Variants in CACNA2D1 observed in about 807,000 individuals in gnomAD.
The protein encoded by CACNA2D1 is voltage-dependent calcium channel subunit alpha-2/delta-1.
In CACNA2D1, 53 loss-of-function variants were observed where a neutral mutation model predicts 171.5. The ratio of observed to expected loss-of-function variants is 0.31; its 90% CI spans 0.25 to 0.39. The LOEUF is 0.39. CACNA2D1 is among the 10% of genes least tolerant of loss of function. CACNA2D1 has a pLI of 1.00. For synonymous variants in CACNA2D1, 442 were observed against 443.1 expected (o/e 1.00, Z 0.03); for missense variants, 903 against 1,299.8 (o/e 0.69, Z 4.69).
chr7:82,149,466 C>G (rs996884880), intron 4 of CACNA2D1, among the ~76,000 whole-genome samples: 9 of 151,864 alleles, frequency 5.9e-5, no homozygotes, highest in African/African-American at 2.2e-4. Context: ...CCCTAGGAAC[C>G]CTGGGGAGGC....
intron 3 of CACNA2D1, among the ~76,000 whole-genome samples, chr7:82,245,376 A>C (rs1804782626): frequency 6.6e-6 from 1 of 152,134 alleles, no homozygotes; most frequent in Non-Finnish European, 1.5e-5. Context: ...ATCCCTGGAT[A>C]ATTCTTTATT....
At chr7:82,415,460 G>A (rs1349177599) in intron 1 of CACNA2D1, among the ~76,000 whole-genome samples, 2 of 152,030 alleles carry the variant, frequency 1.3e-5, no homozygotes, top group Non-Finnish European at 2.9e-5. Flanking sequence ...CTTGAACCCA[G>A]GAGGCATTGC....
intron 12 of CACNA2D1, among the ~76,000 whole-genome samples, chr7:82,030,593 T>C (rs1452604136): frequency 6.6e-6 from 1 of 151,814 alleles, no homozygotes; most frequent in Non-Finnish European, 1.5e-5. Flanking sequence ...AAACTTTTCA[T>C]TTTTGAAATA....
At chr7:82,014,575 T>C in intron 12 of CACNA2D1, 96 bp from the exon 13 acceptor site, 1 of 731,470 alleles carries the variant, frequency 1.4e-6, no homozygotes, top group Non-Finnish European at 2.5e-6. Flanking sequence ...AAGAGTGCTT[T>C]CCAGTTGAAT....
At chr7:82,154,690 A>G (rs1794200804) in intron 4 of CACNA2D1, among the ~76,000 whole-genome samples, 1 of 152,202 alleles carries the variant, frequency 6.6e-6, no homozygotes. Flanking sequence ...ATAAAATTTG[A>G]TTCAGAAACT....
intron 6 of CACNA2D1, among the ~76,000 whole-genome samples, chr7:82,108,386 C>T (rs1196104749): frequency 6.6e-6 from 1 of 152,104 alleles, no homozygotes; most frequent in African/African-American, 2.4e-5. Flanking sequence ...TCCTCTTCAT[C>T]GTAGAAGGCC....
At chr7:81,977,028 T>C (rs962683521) in intron 24 of CACNA2D1, among the ~76,000 whole-genome samples, 1 of 152,278 alleles carries the variant, frequency 6.6e-6, no homozygotes, top group East Asian at 1.9e-4. Context: ...CTCTTCCTAT[T>C]TGAATACCCT....
chr7:82,049,266 A>G (rs1804925467), intron 10 of CACNA2D1, among the ~76,000 whole-genome samples: 1 of 152,066 alleles, frequency 6.6e-6, no homozygotes. Flanking sequence ...ATACTTTTAT[A>G]AAGGTCCCAT....
At chr7:82,284,432 T>A (rs549047713) in intron 3 of CACNA2D1, among the ~76,000 whole-genome samples, 13 of 152,296 alleles carry the variant, frequency 8.5e-5, no homozygotes, top group African/African-American at 3.1e-4. Flanking sequence ...TGAGGGTTAA[T>A]ACAGTTGTCT....
At chr7:82,121,162 C>T (rs1789690074) in intron 5 of CACNA2D1, among the ~76,000 whole-genome samples, 1 of 152,078 alleles carries the variant, frequency 6.6e-6, no homozygotes, top group Non-Finnish European at 1.5e-5. Flanking sequence ...AACCTCCTAC[C>T]TACCTCAGCC....
intron 10 of CACNA2D1, among the ~76,000 whole-genome samples, chr7:82,055,930 G>GTGTATA (rs71093357): frequency 1.8e-5 from 2 of 111,472 alleles, no homozygotes; most frequent in African/African-American, 7.1e-5. Context: ...GTGTGTGTGT[G>GTGTATA]TATATATATA....
chr7:82,432,744 T>C (rs1281701814), intron 1 of CACNA2D1, among the ~76,000 whole-genome samples: 5 of 152,150 alleles, frequency 3.3e-5, no homozygotes, highest in African/African-American at 1.2e-4. Context: ...ACCAATAGAG[T>C]GGGGCAGTAA....
chr7:82,194,578 A>G (rs1798666842), intron 3 of CACNA2D1, among the ~76,000 whole-genome samples: 1 of 151,870 alleles, frequency 6.6e-6, no homozygotes, highest in African/African-American at 2.4e-5. Context: ...AAACATTCTA[A>G]GTTTTAATGA....
At chr7:82,094,778 T>C (rs1009464085) in intron 6 of CACNA2D1, among the ~76,000 whole-genome samples, 1 of 102,610 alleles carries the variant, frequency 9.7e-6, no homozygotes, top group Non-Finnish European at 2.0e-5. Flanking sequence ...AGTTTTCCAA[T>C]CTGACAAAAG....
chr7:82,385,869 T>C (rs1824303304), intron 1 of CACNA2D1, among the ~76,000 whole-genome samples: 4 of 152,134 alleles, frequency 2.6e-5, no homozygotes, highest in Admixed American at 2.6e-4. Flanking sequence ...TTCACCATGT[T>C]GGCCAGGCTG....
intron 24 of CACNA2D1, among the ~76,000 whole-genome samples, chr7:81,976,378 G>A (rs1795844769): frequency 6.6e-6 from 1 of 152,132 alleles, no homozygotes; most frequent in Admixed American, 6.5e-5. Flanking sequence ...CCATGAGCAT[G>A]GAATGTTTTT....
At chr7:82,392,838 A>G (rs1825289751) in intron 1 of CACNA2D1, among the ~76,000 whole-genome samples, 2 of 152,052 alleles carry the variant, frequency 1.3e-5, no homozygotes, top group African/African-American at 4.8e-5. Flanking sequence ...TTGGATTTAA[A>G]TGCTTGAGTG....
chr7:82,310,931 G>A (rs1161507660), intron 3 of CACNA2D1, among the ~76,000 whole-genome samples: 1 of 152,080 alleles, frequency 6.6e-6, no homozygotes, highest in Non-Finnish European at 1.5e-5. Context: ...AATTAGCTTT[G>A]GGATGTTACA....
intron 2 of CACNA2D1, among the ~76,000 whole-genome samples, chr7:82,342,192 T>A (rs941226591): frequency 1.3e-4 from 20 of 152,110 alleles, no homozygotes; most frequent in Non-Finnish European, 2.2e-4. Flanking sequence ...TTTTATGACT[T>A]GATATTTCTA....
Sources: gnomAD v4.1 joint callset for allele counts (sites outside exome capture counted in the v4.1 genomes callset) on GRCh38, gnomAD v4.1.1 for gene constraint, MANE v1.5 for transcripts, NCBI Gene and HGNC (gene_info 2026-07-23, HGNC 2026-07-21) for gene names.